CTNNA2: variants seen among roughly 807,000 people sequenced by gnomAD.
CTNNA2 encodes catenin alpha 2, also known as catenin alpha-2.
Under a neutral mutation model 101.0 loss-of-function variants are expected in CTNNA2, and 42 were observed. The ratio of observed to expected loss-of-function variants is 0.42; its 90% confidence interval spans 0.32 to 0.54. CTNNA2 has a LOEUF of 0.54. CTNNA2 is among the 20% of genes least tolerant of loss of function. The pLI is 0.14. For missense variants in CTNNA2, 871 were observed against 1,223.1 expected (o/e 0.71, Z 4.29); for synonymous variants, 450 against 456.4 (o/e 0.99, Z 0.18).
At chr2:79,891,820 AAT>A (rs914934753) in intron 6 of CTNNA2, among the ~76,000 whole-genome samples, 18 of 151,128 alleles carry the variant, frequency 1.2e-4, no homozygotes, top group African/African-American at 3.9e-4. Flanking sequence ...ACAACCTGAA[AAT>A]ATATATATAT....
chr2:80,239,773 G>A (rs906416186), intron 7 of CTNNA2, among the ~76,000 whole-genome samples: 2 of 152,008 alleles, frequency 1.3e-5, no homozygotes, highest in Admixed American at 6.5e-5. Context: ...TTAGCCAGGC[G>A]TGATGGCATG....
intron 1 of CTNNA2, among the ~76,000 whole-genome samples, chr2:79,521,119 T>G (rs1228346767): frequency 1.1e-3 from 3 of 2,728 alleles, no homozygotes; most frequent in Non-Finnish European, 2.7e-3. Flanking sequence ...TATATATATA[T>G]ATATATATAT....
At chr2:80,047,130 G>C (rs1696581824) in intron 7 of CTNNA2, among the ~76,000 whole-genome samples, 1 of 152,110 alleles carries the variant, frequency 6.6e-6, no homozygotes, top group South Asian at 2.1e-4. Context: ...GAGCTGTAGG[G>C]ATTCATTACC....
At chr2:79,670,316 C>CTCG (rs1351963319) in intron 2 of CTNNA2, among the ~76,000 whole-genome samples, 4 of 152,188 alleles carry the variant, frequency 2.6e-5, no homozygotes, top group African/African-American at 9.6e-5. Context: ...CACAGGGAGG[C>CTCG]TCGATCCATA....
At chr2:80,383,833 A>G (rs1676743539) in intron 7 of CTNNA2, among the ~76,000 whole-genome samples, 1 of 152,222 alleles carries the variant, frequency 6.6e-6, no homozygotes, top group Admixed American at 6.5e-5. Flanking sequence ...ACCCAAAGGC[A>G]TATGAATCAT....
At chr2:80,288,323 G>A (rs546561048) in intron 7 of CTNNA2, 1 of 151,710 alleles carries the variant, frequency 6.6e-6, no homozygotes. Flanking sequence ...GCAGAATTTG[G>A]GGGGAGAAAA....
At chr2:80,417,388 T>G (rs1680137536) in intron 8 of CTNNA2, among the ~76,000 whole-genome samples, 1 of 151,742 alleles carries the variant, frequency 6.6e-6, no homozygotes, top group African/African-American at 2.4e-5. Flanking sequence ...TCATTCTGTT[T>G]TCTTGTTTTG....
At chr2:79,186,055 G>C (rs1187768540) in intron 1 of CTNNA2, among the ~76,000 whole-genome samples, 1 of 152,124 alleles carries the variant, frequency 6.6e-6, no homozygotes, top group East Asian at 1.9e-4. Flanking sequence ...TATTATTTCA[G>C]ATTACCATAC....
At position 79,259,784 on chromosome 2, in the gene CTNNA2, T is replaced by C. The variant is rs76502011; in HGVS notation, c.-405-52925T>C. Among the ~76,000 whole-genome samples, 571 of 152,102 alleles carry C rather than the reference T, an allele frequency of 3.8e-3. 2 individuals carry two copies. Among genetic ancestry groups the C allele is most frequent in the Non-Finnish European group, 6.4e-3 (435 of 67,994 alleles). On this transcript the variant is annotated intron_variant, in intron 2 of 21. Coordinates refer to the CTNNA2 transcript ENST00000466387. The stretch of plus-strand genomic sequence containing the variant: ...TTTGGTGGTGGACTGAGAAGGAACA[T>C]GAAGAATGCACAAAAGAACCAAAAC...
chr2:80,360,689 T>C (rs752454071), intron 7 of CTNNA2, among the ~76,000 whole-genome samples: 6 of 152,106 alleles, frequency 3.9e-5, no homozygotes, highest in Non-Finnish European at 7.4e-5. Flanking sequence ...ACCACTTCTC[T>C]AGAACAGAAG....
intron 2 of CTNNA2, among the ~76,000 whole-genome samples, chr2:79,686,118 T>TA (rs1163606897): frequency 6.6e-6 from 1 of 152,010 alleles, no homozygotes; most frequent in Admixed American, 6.6e-5. Context: ...TTAAGAAACG[T>TA]AAAAAAATTA....
At chr2:79,884,713 T>C (rs1008231068) in intron 6 of CTNNA2, among the ~76,000 whole-genome samples, 3 of 151,902 alleles carry the variant, frequency 2.0e-5, no homozygotes, top group African/African-American at 7.3e-5. Context: ...TTTACCTTCT[T>C]ACATTTTCTT....
In CTNNA2 at chr2:80,480,779, G is replaced by C. The variant is rs146988820; in HGVS notation, c.1290+61178G>C. Among the ~76,000 whole-genome samples, 170 of 152,104 alleles carry C rather than the reference G, an allele frequency of 1.1e-3. 1 individual carries two copies. The highest frequency in any genetic ancestry group is 3.8e-3 in the African/African-American group (159 of 41,508). ...AGCCATTCACTTATCACCTCTATATGCTAGTTTTCTCATTTGCCAAATGTG... is the reference window on the plus strand; with the variant it reads ...AGCCATTCACTTATCACCTCTATATCCTAGTTTTCTCATTTGCCAAATGTG... On this transcript the variant is annotated intron_variant, in intron 9 of 18. Transcript: ENST00000402739.
intron 2 of CTNNA2, among the ~76,000 whole-genome samples, chr2:79,218,949 TA>T (rs1457510423): frequency 1.3e-5 from 2 of 152,232 alleles, no homozygotes; most frequent in Admixed American, 1.3e-4. Context: ...AAATCCTCCA[TA>T]ATTTTACCAC....
chr2:80,576,156 A>G (rs1210507698), intron 13 of CTNNA2: 1 of 152,148 alleles, frequency 6.6e-6, no homozygotes, highest in Non-Finnish European at 1.5e-5. Flanking sequence ...TTCTTTTCCC[A>G]AAAACAATAC....
chr2:79,780,346 A>G (rs1219451136), intron 3 of CTNNA2, among the ~76,000 whole-genome samples: 2 of 152,166 alleles, frequency 1.3e-5, no homozygotes, highest in Non-Finnish European at 2.9e-5. Flanking sequence ...AATCTCTTCA[A>G]ATATTTTGCA....
chr2:80,047,878 G>C (rs1696629498), intron 7 of CTNNA2, among the ~76,000 whole-genome samples: 1 of 152,162 alleles, frequency 6.6e-6, no homozygotes, highest in Non-Finnish European at 1.5e-5. Context: ...CCAGATGCAG[G>C]AGCGTGAGCA....
At chr2:79,914,345 T>C (rs1265046682) in intron 7 of CTNNA2, among the ~76,000 whole-genome samples, 1 of 152,156 alleles carries the variant, frequency 6.6e-6, no homozygotes, top group Non-Finnish European at 1.5e-5. Flanking sequence ...TTAATACTTA[T>C]TCTAAGTATT....
Position 80,302,824 on chromosome 2 carries a change from G to A in CTNNA2, c.1057-90387G>A. 6.2e-7 allele frequency: 1 copy of A among 1,614,060 alleles called. No individual in the cohort carries two copies. The highest frequency in any genetic ancestry group is 1.1e-5 in the South Asian group (1 of 91,084). ...GCAAGTTGCCATCGTAGCGCCCCTG[G>A]AAGTTGTTGAGCCACGAGGCTAGGG... On this transcript the variant is annotated intron_variant, in intron 7 of 18. Transcript: ENST00000402739. The surrounding 1 kb of genome is among the most constrained non-coding windows in gnomAD (Gnocchi z 6.4).
Sources: allele counts gnomAD v4.1 joint callset (sites outside exome capture counted in the v4.1 genomes callset), GRCh38; gene constraint gnomAD v4.1.1; non-coding constraint Gnocchi (gnomAD v3.1); transcripts MANE v1.5; gene names NCBI Gene and HGNC (gene_info 2026-07-23, HGNC 2026-07-21).